Variants in ARMH3 observed in about 807,000 individuals in gnomAD.
ARMH3 encodes armadillo-like helical domain-containing protein 3.
A neutral mutation model predicts 99.1 loss-of-function variants in ARMH3; 60 were observed. That is an observed-to-expected ratio of 0.61 (90% CI 0.49 to 0.75). The LOEUF is 0.75. Ranked by LOEUF, ARMH3 falls within the 30% of genes least tolerant of loss-of-function variation. ARMH3 has a pLI of 0.00. For missense variants in ARMH3, 679 were observed against 843.1 expected (o/e 0.81, Z 2.41); for synonymous variants, 285 against 292.8 (o/e 0.97, Z 0.27).
chr10:101,940,144 C>T (rs1844173157), intron 22 of ARMH3, among the ~76,000 whole-genome samples: 1 of 152,206 alleles, frequency 6.6e-6, no homozygotes, highest in African/African-American at 2.4e-5. Context: ...TTTTCTCTAA[C>T]TTCTTTTCAC....
chr10:102,007,701 C>T, intron 13 of ARMH3, among the ~76,000 whole-genome samples: 1 of 146,008 alleles, frequency 6.8e-6, no homozygotes, highest in African/African-American at 2.5e-5. Context: ...GGTGTGGTGG[C>T]AGGCACCTGT....
At chr10:102,000,030 C>A (rs1424493742) in intron 15 of ARMH3, among the ~76,000 whole-genome samples, 2 of 151,980 alleles carry the variant, frequency 1.3e-5, no homozygotes, top group African/African-American at 4.8e-5. Flanking sequence ...TTGCAGTGAG[C>A]CTTGGTTGCA....
rs2066586509 is a variant in ARMH3 at position 101,850,960 on chromosome 10, C to T, written c.1861-1068G>A. On this transcript the variant is annotated intron_variant, in intron 24 of 25. Coordinates refer to ENST00000370033, the MANE Select transcript of ARMH3 (RefSeq NM_024541.3). ...TTTGCCAATGTCTCCTTCCTTCTCC[C>T]GTTCTGGGAACCACATTTCTTCAGT... 3.3e-5 allele frequency among the ~76,000 whole-genome samples: 5 copies of T among 152,188 alleles called. No homozygotes were observed. In the South Asian group the frequency reaches 1.0e-3, roughly 32 times the overall value.
intron 17 of ARMH3, among the ~76,000 whole-genome samples, 175 bp from the exon 18 acceptor site, chr10:101,992,213 G>C (rs1445466947): frequency 1.3e-5 from 2 of 152,166 alleles, no homozygotes; most frequent in African/African-American, 2.4e-5. Flanking sequence ...GCGGGGAAGG[G>C]AGGACTTGTG....
rs372693279 is a variant in ARMH3, at chr10:101,961,964, C to A, written c.1496-4232G>T. On this transcript the variant is annotated intron_variant, in intron 20 of 25. Coordinates refer to ENST00000370033, the MANE Select transcript of ARMH3 (RefSeq NM_024541.3). ...CATTTAATTTAATCCTTTGCCTTAT[C>A]ATGTTTCTCATTGTTAAATAATAGT... 7.9e-5 allele frequency among the ~76,000 whole-genome samples: 12 copies of A among 152,316 alleles called. No homozygotes were observed. The East Asian group carries it at 1.7e-3, about 22-fold the overall frequency.
chr10:102,035,556 G>A (rs1415080096), intron 2 of ARMH3, among the ~76,000 whole-genome samples: 1 of 152,168 alleles, frequency 6.6e-6, no homozygotes, highest in Non-Finnish European at 1.5e-5. Flanking sequence ...GGCGCGCGCT[G>A]CCACGCCTGA....
At chr10:101,973,810 A>G (rs1845877176) in intron 20 of ARMH3, among the ~76,000 whole-genome samples, 1 of 152,218 alleles carries the variant, frequency 6.6e-6, no homozygotes, top group Non-Finnish European at 1.5e-5. Flanking sequence ...TAGTACTACA[A>G]TGTGTAATTT....
chr10:101,869,520 G>A (rs1189585845), intron 24 of ARMH3, among the ~76,000 whole-genome samples: 19 of 152,092 alleles, frequency 1.2e-4, no homozygotes, highest in Non-Finnish European at 1.5e-5. Flanking sequence ...CCAGAGAAAT[G>A]AGAAAATATT....
At chr10:102,009,623 T>A (rs1197179630) in intron 12 of ARMH3, among the ~76,000 whole-genome samples, 174 bp from the exon 13 acceptor site, 1 of 151,982 alleles carries the variant, frequency 6.6e-6, no homozygotes, top group Admixed American at 6.6e-5. Flanking sequence ...TAGGCAGGAG[T>A]CAGGGCCTTC....
intron 8 of ARMH3, among the ~76,000 whole-genome samples, chr10:102,022,625 G>C (rs1319105354): frequency 4.0e-5 from 6 of 149,750 alleles, no homozygotes; most frequent in Admixed American, 4.0e-4. Flanking sequence ...CTGTCGCCCA[G>C]GCTGGAGTGC....
chr10:101,985,703 G>C (rs1278343727), intron 19 of ARMH3, among the ~76,000 whole-genome samples: 1 of 151,836 alleles, frequency 6.6e-6, no homozygotes, highest in Non-Finnish European at 1.5e-5. Flanking sequence ...GACAAAGCAA[G>C]ACCCTGCCTC....
intron 24 of ARMH3, among the ~76,000 whole-genome samples, chr10:101,884,487 A>G (rs903732676): frequency 6.6e-6 from 1 of 152,234 alleles, no homozygotes; most frequent in African/African-American, 2.4e-5. Context: ...CAAATCCAGT[A>G]AGGAATAAAC....
chr10:101,860,998 G>A (rs1191214445), intron 24 of ARMH3, among the ~76,000 whole-genome samples: 2 of 152,082 alleles, frequency 1.3e-5, no homozygotes, highest in Non-Finnish European at 2.9e-5. Flanking sequence ...ATATCAAGAA[G>A]CAGAAAAATG....
intron 24 of ARMH3, among the ~76,000 whole-genome samples, chr10:101,868,602 C>T (rs940691258): frequency 6.6e-6 from 1 of 152,130 alleles, no homozygotes; most frequent in Non-Finnish European, 1.5e-5. Flanking sequence ...TCAGCCTACT[C>T]AACATGAAGA....
At chr10:101,937,091 A>C (rs1784020672) in intron 23 of ARMH3, among the ~76,000 whole-genome samples, 1 of 152,232 alleles carries the variant, frequency 6.6e-6, no homozygotes, top group Non-Finnish European at 1.5e-5. Context: ...TTTCCAACTC[A>C]AATTTCCATA....
chr10:101,966,469 G>A (rs934927228), intron 20 of ARMH3, among the ~76,000 whole-genome samples: 29 of 151,780 alleles, frequency 1.9e-4, no homozygotes, highest in Middle Eastern at 3.4e-3. Flanking sequence ...TAGAGACAGG[G>A]CTCCACCAGG....
At chr10:101,951,466 A>G (rs1844783876) in intron 22 of ARMH3, among the ~76,000 whole-genome samples, 1 of 152,126 alleles carries the variant, frequency 6.6e-6, no homozygotes, top group Non-Finnish European at 1.5e-5. Flanking sequence ...CCAGCTACTC[A>G]GGAGGCCAAG....
chr10:101,997,389 C>T (rs1255611465), intron 15 of ARMH3, among the ~76,000 whole-genome samples: 3 of 151,230 alleles, frequency 2.0e-5, no homozygotes, highest in Admixed American at 6.6e-5. Context: ...GTCAGGAGAT[C>T]GAGACCATCC....
At chr10:101,971,974 T>A (rs1845789936) in intron 20 of ARMH3, among the ~76,000 whole-genome samples, 1 of 152,196 alleles carries the variant, frequency 6.6e-6, no homozygotes, top group Non-Finnish European at 1.5e-5. Context: ...GCAATAGAAC[T>A]TTTTCCTTTC....
Sources: gnomAD v4.1 joint callset for allele counts (sites outside exome capture counted in the v4.1 genomes callset) on GRCh38, gnomAD v4.1.1 for gene constraint, MANE v1.5 for transcripts, NCBI Gene and HGNC (gene_info 2026-07-23, HGNC 2026-07-21) for gene names.